Variants in PAX2 observed in about 807,000 individuals in gnomAD.
The protein encoded by PAX2 is paired box 2.
Under a neutral mutation model 41.7 loss-of-function variants are expected in PAX2, and 9 were observed. The ratio of observed to expected loss-of-function variants is 0.22; its 90% confidence interval spans 0.13 to 0.38. PAX2 has a LOEUF of 0.38. Ranked by LOEUF, PAX2 falls within the 10% of genes least tolerant of loss-of-function variation. The pLI, the probability that PAX2 is intolerant of heterozygous loss-of-function variation, is 1.00. For missense variants in PAX2, 418 were observed against 531.6 expected, an observed-to-expected ratio of 0.79 and a Z score of 2.10; for synonymous variants, 221 against 212.7, an observed-to-expected ratio of 1.04 and a Z score of -0.34.
chr10:100,764,726 C>T (rs1392141634), intron 3 of PAX2, among the ~76,000 whole-genome samples: 5 of 152,104 alleles, frequency 3.3e-5, no homozygotes, highest in African/African-American at 1.2e-4. Flanking sequence ...CATTCCTTCT[C>T]TTGGAAGCCT....
chr10:100,824,074 C>T lies in PAX2; in HGVS notation c.920-574C>T, dbSNP rs1036466337. On this transcript the variant is annotated intron_variant, in intron 7 of 9. Coordinates refer to ENST00000355243, the MANE Select transcript of PAX2 (RefSeq NM_000278.5). This position sits in a 1 kb window ranked among gnomAD's most constrained non-coding sequence, Gnocchi z 6.6. ...AGCAAAATAGCCCACTGGCTGCCCC[C>T]CTGCTCTCCACACCTGCCAGGACCA... Among the ~76,000 whole-genome samples, 2 of 152,050 alleles carry T rather than the reference C, an allele frequency of 1.3e-5. No homozygotes were observed. The highest frequency in any genetic ancestry group is 4.1e-4 in the South Asian group (2 of 4,826).
At chr10:100,803,068 CT>C (rs1295609971) in intron 5 of PAX2, among the ~76,000 whole-genome samples, 1 of 152,098 alleles carries the variant, frequency 6.6e-6, no homozygotes, top group Non-Finnish European at 1.5e-5. Context: ...TCCTTCTTTC[CT>C]TTTTGACTCT....
At chr10:100,761,135 C>T (rs780847427) in intron 3 of PAX2, among the ~76,000 whole-genome samples, 18 of 151,526 alleles carry the variant, frequency 1.2e-4, no homozygotes, top group African/African-American at 1.7e-4. Context: ...AGATATGCCT[C>T]GCTAAGTCCT....
chr10:100,818,434 T>TA (rs1222284797), intron 7 of PAX2, among the ~76,000 whole-genome samples: 1 of 152,220 alleles, frequency 6.6e-6, no homozygotes, highest in African/African-American at 2.4e-5. Context: ...TGTTTATTGA[T>TA]ACAATTCAAG....
chr10:100,810,449 G>A (rs968877006), intron 7 of PAX2, among the ~76,000 whole-genome samples: 4 of 152,230 alleles, frequency 2.6e-5, no homozygotes, highest in Non-Finnish European at 5.9e-5. Flanking sequence ...AAGTGTTGGA[G>A]ACCTGGACTG....
chr10:100,748,814 AG>A lies in PAX2; in HGVS notation c.44-929del. The A allele has an allele frequency of 1.0e-6, 1 of 985,450 alleles. No homozygotes were observed. The highest frequency in any genetic ancestry group is 1.7e-5 in the African/African-American group (1 of 57,316). The allele number at this position is 985,450 out of a possible 1,614,324, so 61.0% of individuals were successfully genotyped here. ...GGGCTGCCGAGGTCTGAGGGGTCAA[AG>A]GGACTCGAGTCGGGTTTGGGTCGGC... On this transcript the variant is annotated intron_variant, in intron 1 of 9. Transcript: ENST00000355243. The surrounding 1 kb of genome is among the most constrained non-coding windows in gnomAD (Gnocchi z 5.0).
At chr10:100,814,197 A>G (rs1014525587) in intron 7 of PAX2, among the ~76,000 whole-genome samples, 4 of 151,888 alleles carry the variant, frequency 2.6e-5, no homozygotes, top group Non-Finnish European at 5.9e-5. Context: ...AAAAATATAC[A>G]AAAAATTAGC....
At chr10:100,754,265 C>A (rs968270410) in intron 3 of PAX2, among the ~76,000 whole-genome samples, 3 of 152,228 alleles carry the variant, frequency 2.0e-5, no homozygotes, top group Admixed American at 6.5e-5. Context: ...AGAGAATACA[C>A]CTCCTTTGAA....
At position 100,827,083 on chromosome 10, in the gene PAX2, C is replaced by A; in HGVS notation, c.1096C>A (p.Pro366Thr). ...AYNEAWRFSN[P>T]ALLSSPYYYS... is the part of the protein sequence containing the mutation. ...CAACGAGGCTTGGAGATTCAGCAAC[C>A]CCGCCTTACTAAGTGAGTACGCCAC... Residue 366 changes from proline (P) to threonine (T), a missense_variant, in exon 9 of 10, where the codon CCC becomes ACC. Transcript: ENST00000355243. The surrounding 1 kb of genome is among the most constrained non-coding windows in gnomAD (Gnocchi z 8.5). The A allele has an allele frequency of 6.2e-7, 1 of 1,612,888 alleles. No individual in the cohort carries two copies. Among genetic ancestry groups the A allele is most frequent in the Non-Finnish European group, 8.5e-7 (1 of 1,178,914 alleles).
Sources: allele counts gnomAD v4.1 joint callset (sites outside exome capture counted in the v4.1 genomes callset), GRCh38; gene constraint gnomAD v4.1.1; non-coding constraint Gnocchi (gnomAD v3.1); transcripts MANE v1.5; gene names NCBI Gene and HGNC (gene_info 2026-07-23, HGNC 2026-07-21).